EDN1: variants seen among roughly 807,000 people sequenced by gnomAD.
EDN1 encodes the protein endothelin 1, also known as endothelin-1.
Under a neutral mutation model 21.7 loss-of-function variants are expected in EDN1, and 11 were observed. The observed-to-expected ratio is 0.51, with a 90% CI of 0.32 to 0.84. The LOEUF is 0.84. Ranked by LOEUF, EDN1 falls within the 40% of genes least tolerant of loss-of-function variation. The pLI is 0.03. For missense variants in EDN1, 244 were observed against 262.3 expected (o/e 0.93, Z 0.48); for synonymous variants, 85 against 90.6 (o/e 0.94, Z 0.35).
chr6:12,266,678 T>C, the EDN1 span, among the ~76,000 whole-genome samples: 40 of 152,232 alleles, frequency 2.6e-4, no homozygotes, highest in Admixed American at 1.5e-3. Flanking sequence ...AGGTGACAAC[T>C]AAGCAGAGTC....
At chr6:12,246,003 C>G in the EDN1 span, among the ~76,000 whole-genome samples, 11 of 132,592 alleles carry the variant, frequency 8.3e-5, no homozygotes, top group Admixed American at 7.9e-5. Flanking sequence ...TTACATGACC[C>G]ATATTTTACC....
the EDN1 span, among the ~76,000 whole-genome samples, chr6:12,235,123 T>G: frequency 4.6e-5 from 7 of 152,272 alleles, no homozygotes; most frequent in African/African-American, 1.7e-4. Flanking sequence ...ATACCATAAG[T>G]GTTCTTGGGT....
At chr6:12,274,939 C>CTTCCTTCCTTCCTTCCTTCCTTCCTTCCT in the EDN1 span, among the ~76,000 whole-genome samples, 2 of 135,342 alleles carry the variant, frequency 1.5e-5, no homozygotes, top group Non-Finnish European at 3.2e-5. Flanking sequence ...TTTCTTCCTT[C>CTTCCTTCCTTCCTTCCTTCCTTCCTTCCT]TCCTTCCTTC....
At chr6:12,251,080 C>T in the EDN1 span, among the ~76,000 whole-genome samples, 1 of 152,200 alleles carries the variant, frequency 6.6e-6, no homozygotes, top group Non-Finnish European at 1.5e-5. Flanking sequence ...GGAGATACCA[C>T]CTTAGCTGCT....
the EDN1 span, among the ~76,000 whole-genome samples, chr6:12,232,922 G>C: frequency 6.6e-6 from 1 of 152,130 alleles, no homozygotes; most frequent in African/African-American, 2.4e-5. Flanking sequence ...AGTAGAAAGA[G>C]GGACAGGTCA....
chr6:12,293,414 G>A (rs552319002), intron 2 of EDN1, among the ~76,000 whole-genome samples: 34 of 152,340 alleles, frequency 2.2e-4, no homozygotes, highest in African/African-American at 8.2e-4. Flanking sequence ...CGACTGGCAG[G>A]AGAAATGTGT....
At chr6:12,281,718 A>G in the EDN1 span, among the ~76,000 whole-genome samples, 1 of 152,082 alleles carries the variant, frequency 6.6e-6, no homozygotes. Context: ...TTCCTTAGTT[A>G]TGTTCTATTT....
the EDN1 span, among the ~76,000 whole-genome samples, chr6:12,259,584 G>A: frequency 6.6e-6 from 1 of 151,730 alleles, no homozygotes; most frequent in African/African-American, 2.4e-5. Flanking sequence ...AAATAAGTGG[G>A]TAAAAGTGGC....
the EDN1 span, among the ~76,000 whole-genome samples, chr6:12,284,983 C>T: frequency 5.3e-5 from 8 of 152,188 alleles, no homozygotes; most frequent in East Asian, 1.4e-3. Context: ...CCTTTAGTTT[C>T]GGATGTCACT....
the EDN1 span, among the ~76,000 whole-genome samples, chr6:12,280,431 AT>A: frequency 1.3e-5 from 2 of 152,206 alleles, no homozygotes; most frequent in African/African-American, 4.8e-5. Flanking sequence ...TATATGCACT[AT>A]TTTATTTAAT....
At chr6:12,277,729 A>C in the EDN1 span, among the ~76,000 whole-genome samples, 1 of 152,214 alleles carries the variant, frequency 6.6e-6, no homozygotes, top group Non-Finnish European at 1.5e-5. Context: ...CCAGTACAAG[A>C]GGTTGGAGAC....
the EDN1 span, among the ~76,000 whole-genome samples, chr6:12,279,757 A>T: frequency 1.3e-5 from 2 of 152,218 alleles, no homozygotes; most frequent in Non-Finnish European, 2.9e-5. Flanking sequence ...CTTAAATGAA[A>T]CTGTGGCTTA....
chr6:12,272,150 G>A, the EDN1 span, among the ~76,000 whole-genome samples: 2 of 152,296 alleles, frequency 1.3e-5, no homozygotes, highest in Admixed American at 1.3e-4. Context: ...GTAAGGTTAA[G>A]GGAATCCTCT....
At chr6:12,292,124 G>C (rs1333893939) in intron 1 of EDN1, among the ~76,000 whole-genome samples, 1 of 152,176 alleles carries the variant, frequency 6.6e-6, no homozygotes, top group Non-Finnish European at 1.5e-5. Flanking sequence ...TCTCCCTGAA[G>C]GTGGATAAGC....
the EDN1 span, among the ~76,000 whole-genome samples, chr6:12,272,452 C>CTTTTTTTTTTTTTTTTTT: frequency 2.8e-5 from 3 of 106,812 alleles, no homozygotes; most frequent in Admixed American, 1.0e-4. Flanking sequence ...GAGTCATACT[C>CTTTTTTTTTTTTTTTTTT]TTTTTTTTTT....
the EDN1 span, among the ~76,000 whole-genome samples, chr6:12,232,169 TAATA>T: frequency 3.1e-5 from 4 of 131,020 alleles, no homozygotes; most frequent in South Asian, 3.2e-4. Context: ...TAATATAATA[TAATA>T]AAGTGTATAT....
At chr6:12,293,610 A>T (rs1762746083) in intron 2 of EDN1, among the ~76,000 whole-genome samples, 1 of 152,246 alleles carries the variant, frequency 6.6e-6, no homozygotes, top group Non-Finnish European at 1.5e-5. Flanking sequence ...TAGAAAAGGA[A>T]GAAAATATAA....
chr6:12,250,140 TCCCTC>T, the EDN1 span, among the ~76,000 whole-genome samples: 1 of 151,802 alleles, frequency 6.6e-6, no homozygotes, highest in East Asian at 1.9e-4. Context: ...TGTAACCTGA[TCCCTC>T]AGAAGCATAC....
At chr6:12,270,232 A>G in the EDN1 span, among the ~76,000 whole-genome samples, 2 of 152,046 alleles carry the variant, frequency 1.3e-5, no homozygotes, top group African/African-American at 4.8e-5. Context: ...CAGAAGAACA[A>G]TTATTGGTTA....
Sources: gnomAD v4.1 joint callset for allele counts (sites outside exome capture counted in the v4.1 genomes callset) on GRCh38, gnomAD v4.1.1 for gene constraint, MANE v1.5 for transcripts, NCBI Gene and HGNC (gene_info 2026-07-23, HGNC 2026-07-21) for gene names.